GLDN: variants seen among roughly 807,000 people sequenced by gnomAD.
The protein encoded by GLDN is gliomedin.
A neutral mutation model predicts 56.5 loss-of-function variants in GLDN; 47 were observed. The ratio of observed to expected loss-of-function variants is 0.83; its 90% CI spans 0.66 to 1.06. The LOEUF is 1.06. Ranked by LOEUF, GLDN falls within the 50% of genes least tolerant of loss-of-function variation. GLDN has a pLI of 0.00. For missense variants in GLDN, 782 were observed against 714.3 expected, an observed-to-expected ratio of 1.09 and a Z score of -1.08; for synonymous variants, 332 against 278.8, an observed-to-expected ratio of 1.19 and a Z score of -1.90.
chr15:51,383,845 A>T lies in GLDN; in HGVS notation c.494A>T (p.Gln165Leu), dbSNP rs745549103. 2.5e-6 allele frequency: 4 copies of T among 1,612,960 alleles called. No homozygotes were observed. The Admixed American group carries it at 6.7e-5, about 27-fold the overall frequency. ...GGATTGGATGGACAGCCTGGTCCTC[A>T]GGGCCCAAAAGGAGAAAAAGGAGCA... Reference protein sequence around the residue: ...HNGLDGQPGPQGPKGEKGANG... With the variant: ...HNGLDGQPGPLGPKGEKGANG... The change falls in exon 4 of 10, where the codon CAG (glutamine) becomes CTG (leucine). Residue 165 changes from glutamine to leucine, a missense_variant. By Grantham distance (113) the Gln-to-Leu change is moderately radical (BLOSUM62 -2). Coordinates refer to ENST00000335449, the MANE Select transcript of GLDN (RefSeq NM_181789.4).
intron 1 of GLDN, among the ~76,000 whole-genome samples, chr15:51,359,017 C>A (rs2037240424): frequency 6.6e-6 from 1 of 152,132 alleles, no homozygotes; most frequent in Admixed American, 6.5e-5. Context: ...TCAAAGCCTA[C>A]ACCCATACTC....
intron 1 of GLDN, among the ~76,000 whole-genome samples, chr15:51,367,641 G>A (rs890509683): frequency 2.0e-5 from 3 of 152,166 alleles, no homozygotes; most frequent in Non-Finnish European, 2.9e-5. Flanking sequence ...CCCTTGAAAG[G>A]CAGGCTGGCG....
chr15:51,368,580 C>T (rs1300149046), intron 1 of GLDN, among the ~76,000 whole-genome samples: 1 of 151,006 alleles, frequency 6.6e-6, no homozygotes, highest in Non-Finnish European at 1.5e-5. Flanking sequence ...CAAGCAGCTG[C>T]ATACAAGATA....
Position 51,400,168 on chromosome 15 carries a change from T to G in GLDN, c.818-24T>G, listed in dbSNP as rs1312414319. ...CTCACTGTGCCAACCGTATCGGCTC[T>G]GATGATTATTGTTGTCATTTTAGGT... is the stretch of plus-strand genomic sequence containing the variant. On this transcript the variant is annotated intron_variant, in intron 6 of 9. Transcript: ENST00000335449. The G allele has an allele frequency of 1.4e-5, 23 of 1,607,450 alleles. No homozygotes were observed. The Admixed American group carries it at 3.8e-4, about 27-fold the overall frequency.
At chr15:51,411,308 T>C (rs182059112), downstream of GLDN, among the ~76,000 whole-genome samples, 93 of 152,160 alleles carry the variant, frequency 6.1e-4, no homozygotes, top group South Asian at 4.1e-3. Context: ...AAGATCAGAG[T>C]TACCAACCTC....
chr15:51,383,435 G>A lies in GLDN; in HGVS notation c.416-1G>A. 1.2e-6 allele frequency: 2 copies of A among 1,613,998 alleles called. No homozygotes were observed. Among genetic ancestry groups the A allele is most frequent in the East Asian group, 2.2e-5 (1 of 44,878 alleles). On this transcript the variant is annotated splice_acceptor_variant, in intron 2 of 9. Transcript: ENST00000335449. LOFTEE classifies it high-confidence loss of function. ...TCAACTAAATTTTTTTTCCGTTGTA[G>A]GACCTTCTGGACCACCAGGTAAGAG...
intron 4 of GLDN, among the ~76,000 whole-genome samples, chr15:51,391,684 A>G (rs1317793219): frequency 6.6e-6 from 1 of 152,194 alleles, no homozygotes; most frequent in African/African-American, 2.4e-5. Flanking sequence ...AGTCAATGCA[A>G]TGGGATTTTG....
At chr15:51,356,477 TAAG>T in intron 1 of GLDN, among the ~76,000 whole-genome samples, 1 of 152,176 alleles carries the variant, frequency 6.6e-6, no homozygotes, top group East Asian at 1.9e-4. Flanking sequence ...AAAACTGAGA[TAAG>T]AAAGAATATT....
rs74016738 is a variant in GLDN at position 51,388,382 on chromosome 15, A to T, written c.541+4490A>T. On this transcript the variant is annotated intron_variant, in intron 4 of 9. Coordinates refer to ENST00000335449, the MANE Select transcript of GLDN (RefSeq NM_181789.4). The stretch of plus-strand genomic sequence containing the variant: ...CCAAGTGGAATCAATCAAAATATTG[A>T]TCCCTCCCTGAAATCACCCCCTGGT... Among the ~76,000 whole-genome samples, 399 of 152,130 alleles carry T rather than the reference A, an allele frequency of 2.6e-3. 1 individual carries two copies. Among genetic ancestry groups the T allele is most frequent in the African/African-American group, 9.3e-3 (384 of 41,484 alleles).
At chr15:51,348,416 T>C (rs1249932488) in intron 1 of GLDN, among the ~76,000 whole-genome samples, 1 of 152,200 alleles carries the variant, frequency 6.6e-6, no homozygotes, top group Non-Finnish European at 1.5e-5. Context: ...TACTGCCGCC[T>C]TGACTAATTG....
At chr15:51,393,301 A>G (rs993611860) in intron 4 of GLDN, among the ~76,000 whole-genome samples, 1 of 152,218 alleles carries the variant, frequency 6.6e-6, no homozygotes, top group Non-Finnish European at 1.5e-5. Flanking sequence ...TTCATCCTTT[A>G]GAAACTTGTG....
chr15:51,384,292 T>C, intron 4 of GLDN: 1 of 250,626 alleles, frequency 4.0e-6, no homozygotes. Flanking sequence ...CTGTGTTTGG[T>C]TGAAAATCAA....
chr15:51,358,105 C>T (rs977518563), intron 1 of GLDN, among the ~76,000 whole-genome samples: 7 of 152,134 alleles, frequency 4.6e-5, no homozygotes, highest in Admixed American at 1.3e-4. Context: ...CTGGGATCAG[C>T]GATTAAAACT....
chr15:51,348,033 G>A (rs1039571685), intron 1 of GLDN, among the ~76,000 whole-genome samples: 11 of 152,288 alleles, frequency 7.2e-5, no homozygotes, highest in African/African-American at 2.6e-4. Context: ...TATAAGGGAG[G>A]AATGAACCCC....
chr15:51,383,331 C>T (rs778501001), intron 2 of GLDN, 105 bp from the exon 3 acceptor site: 248 of 1,204,268 alleles, frequency 2.1e-4, no homozygotes, highest in Admixed American at 2.8e-4. Context: ...GTGTCAAATC[C>T]ATTGCTTAGG....
At chr15:51,391,659 C>A (rs2038022855) in intron 4 of GLDN, among the ~76,000 whole-genome samples, 2 of 152,246 alleles carry the variant, frequency 1.3e-5, no homozygotes, top group Non-Finnish European at 2.9e-5. Flanking sequence ...GGCCTGATGA[C>A]TGAGGGCCCG....
intron 1 of GLDN, among the ~76,000 whole-genome samples, chr15:51,362,239 C>A (rs957504658): frequency 6.6e-6 from 1 of 152,058 alleles, no homozygotes; most frequent in African/African-American, 2.4e-5. Context: ...AATCCCAGAA[C>A]TTTGGGAGTA....
intron 1 of GLDN, among the ~76,000 whole-genome samples, chr15:51,369,812 T>C (rs949643810): frequency 1.5e-4 from 23 of 152,314 alleles, no homozygotes; most frequent in Middle Eastern, 3.4e-3. Flanking sequence ...GACAATTCCT[T>C]TTGCAAAGCC....
downstream of GLDN, among the ~76,000 whole-genome samples, chr15:51,409,985 G>A (rs1399249473): frequency 6.6e-6 from 1 of 152,140 alleles, no homozygotes; most frequent in Non-Finnish European, 1.5e-5. Flanking sequence ...ACTCGGTAAT[G>A]CCCAGCCTCA....
Sources: gnomAD v4.1 joint callset for allele counts (sites outside exome capture counted in the v4.1 genomes callset) on GRCh38, gnomAD v4.1.1 for gene constraint, MANE v1.5 for transcripts, NCBI Gene and HGNC (gene_info 2026-07-23, HGNC 2026-07-21) for gene names.